The following BMPR1A variants were observed in gnomAD, a reference collection of about 807,000 sequenced individuals.
BMPR1A encodes the protein bone morphogenetic protein receptor type 1A.
In BMPR1A, 7 loss-of-function variants were observed where a neutral mutation model predicts 66.0. That is an observed-to-expected ratio of 0.11 (90% CI 0.06 to 0.20). The LOEUF is 0.20. BMPR1A is among the 10% of genes least tolerant of loss of function. The pLI, the probability that BMPR1A is intolerant of heterozygous loss-of-function variation, is 1.00. For synonymous variants in BMPR1A, 200 were observed against 229.7 expected (o/e 0.87, Z 1.17); for missense variants, 408 against 669.1 (o/e 0.61, Z 4.31).
chr10:86,779,389 T>C (rs1841401489), intron 1 of BMPR1A, among the ~76,000 whole-genome samples: 2 of 152,240 alleles, frequency 1.3e-5, no homozygotes, highest in African/African-American at 2.4e-5. Context: ...CCTGTCCTTG[T>C]CAGCACTTGT....
At chr10:86,881,932 G>A (rs942896888) in intron 3 of BMPR1A, among the ~76,000 whole-genome samples, 7 of 151,960 alleles carry the variant, frequency 4.6e-5, no homozygotes, top group Non-Finnish European at 8.8e-5. Flanking sequence ...ACATTGCCTT[G>A]ATGTTTGATG....
chr10:86,759,079 G>A (rs1840983906), intron 1 of BMPR1A, among the ~76,000 whole-genome samples: 1 of 152,168 alleles, frequency 6.6e-6, no homozygotes, highest in Admixed American at 6.5e-5. Flanking sequence ...TTCAAATGGA[G>A]ACCTGATCTG....
At chr10:86,919,584 AC>A in intron 10 of BMPR1A, 115 bp downstream of exon 10, 1 of 1,372,784 alleles carries the variant, frequency 7.3e-7, no homozygotes, top group Admixed American at 2.0e-5. Flanking sequence ...GTTTTTAGTT[AC>A]ATAAATGTAT....
rs565208018 is a variant in BMPR1A, at chr10:86,786,769, G to A, written c.-268+29850G>A. ...TTATGTTCCACCTGGATGTCTAATA[G>A]GCAAATGAAATGCAGCTTTCTCTAA... On this transcript the variant is annotated intron_variant, in intron 1 of 12. Coordinates refer to ENST00000372037, the MANE Select transcript of BMPR1A (RefSeq NM_004329.3). Among the ~76,000 whole-genome samples the A allele has an allele frequency of 8.5e-5, 13 of 152,302 alleles. No individual in the cohort carries two copies. The South Asian group carries it at 2.7e-3, about 32-fold the overall frequency.
At position 86,756,791 on chromosome 10, in the gene BMPR1A, A is replaced by AG. The variant is rs1847875270; in HGVS notation, c.-392dup. ...CGGCGAAGATCGCACGGCCCGATCGAGGGGCGACCGGGTCGGGGCCGCTGC... is the reference window on the plus strand; with the variant it reads ...CGGCGAAGATCGCACGGCCCGATCGAGGGGGCGACCGGGTCGGGGCCGCTGC... On this transcript the variant is annotated 5_prime_UTR_variant, in exon 1 of 13. Coordinates refer to ENST00000372037, the MANE Select transcript of BMPR1A (RefSeq NM_004329.3). The AG allele has an allele frequency of 6.6e-6, 1 of 150,914 alleles. No individual in the cohort carries two copies. Among genetic ancestry groups the AG allele is most frequent in the African/African-American group, 2.4e-5 (1 of 41,164 alleles). The allele number at this position is 150,914 out of a possible 1,614,324, so 9.3% of individuals were successfully genotyped here. A position where few individuals can be genotyped will look rare whatever the true frequency, so the allele number is the denominator to read the frequency against.
At chr10:86,798,767 T>C (rs765947051) in intron 1 of BMPR1A, among the ~76,000 whole-genome samples, 1 of 152,204 alleles carries the variant, frequency 6.6e-6, no homozygotes, top group Non-Finnish European at 1.5e-5. Flanking sequence ...GCATCCTGTT[T>C]TAAATCTCCT....
chr10:86,915,278 G>A (rs1843549292), intron 8 of BMPR1A, among the ~76,000 whole-genome samples: 1 of 151,762 alleles, frequency 6.6e-6, no homozygotes. Context: ...TGATCCACCC[G>A]CCTCGGCCTC....
intron 2 of BMPR1A, chr10:86,856,154 G>A: frequency 1.9e-6 from 1 of 527,920 alleles, no homozygotes; most frequent in Non-Finnish European, 3.8e-6. Context: ...CCAGCTTCTT[G>A]TGACATAAAG....
chr10:86,853,890 G>A (rs1302819150), intron 2 of BMPR1A, among the ~76,000 whole-genome samples: 1 of 152,164 alleles, frequency 6.6e-6, no homozygotes, highest in African/African-American at 2.4e-5. Context: ...TGAAGTTTCG[G>A]GCACCATTGT....
rs566752864 is a variant in BMPR1A at position 86,823,823 on chromosome 10, A to G, written c.-267-15042A>G. 5.5e-4 allele frequency among the ~76,000 whole-genome samples: 84 copies of G among 152,278 alleles called. 2 individuals carry two copies. Among genetic ancestry groups the G allele is most frequent in the African/African-American group, 1.9e-3 (78 of 41,564 alleles). The stretch of plus-strand genomic sequence containing the variant: ...TGAACTTGCACTACTCCCTCCTTGC[A>G]TAGTATCAAATCCTGCGGATCCTTG... On this transcript the variant is annotated intron_variant, in intron 1 of 12. Coordinates refer to ENST00000372037, the MANE Select transcript of BMPR1A (RefSeq NM_004329.3).
At chr10:86,888,684 G>A (rs949474548) in intron 3 of BMPR1A, among the ~76,000 whole-genome samples, 14 of 151,756 alleles carry the variant, frequency 9.2e-5, no homozygotes, top group South Asian at 2.1e-4. Flanking sequence ...AAAATTAGCC[G>A]GGCATGGTGG....
intron 3 of BMPR1A, among the ~76,000 whole-genome samples, chr10:86,884,318 T>C (rs1445619335): frequency 1.4e-5 from 2 of 147,842 alleles, no homozygotes; most frequent in East Asian, 4.0e-4. Flanking sequence ...ACTCCTGAGC[T>C]CAAGCATCCT....
intron 9 of BMPR1A, 107 bp from the exon 10 acceptor site, chr10:86,919,065 C>G (rs1456291399): frequency 1.7e-5 from 21 of 1,255,354 alleles, no homozygotes; most frequent in East Asian, 2.3e-5. Context: ...TAAAGTTTCA[C>G]TATCTGCACA....
chr10:86,860,412 G>A (rs759463535), intron 2 of BMPR1A, among the ~76,000 whole-genome samples: 1 of 152,094 alleles, frequency 6.6e-6, no homozygotes, highest in Non-Finnish European at 1.5e-5. Flanking sequence ...TAAAAGGCAA[G>A]TTGATGTGTG....
intron 2 of BMPR1A, among the ~76,000 whole-genome samples, chr10:86,839,211 T>G (rs769082577): frequency 1.3e-5 from 2 of 152,198 alleles, no homozygotes; most frequent in Non-Finnish European, 2.9e-5. Context: ...AGGTATTTAT[T>G]TCTTACTAAT....
At chr10:86,859,637 C>T (rs1842687432) in intron 2 of BMPR1A, among the ~76,000 whole-genome samples, 1 of 151,952 alleles carries the variant, frequency 6.6e-6, no homozygotes, top group Non-Finnish European at 1.5e-5. Flanking sequence ...CTGGCCAACG[C>T]CATCTCTACT....
intron 1 of BMPR1A, among the ~76,000 whole-genome samples, chr10:86,791,124 CAG>C (rs1487221251): frequency 7.9e-5 from 12 of 151,998 alleles, no homozygotes; most frequent in Non-Finnish European, 1.5e-4. Context: ...ACAGATAACT[CAG>C]AAGAAATTTT....
chr10:86,828,144 T>C (rs973315901), intron 1 of BMPR1A, among the ~76,000 whole-genome samples: 1 of 152,126 alleles, frequency 6.6e-6, no homozygotes, highest in African/African-American at 2.4e-5. Flanking sequence ...AGAGTGAGAC[T>C]CTGTCTCAAG....
intron 8 of BMPR1A, among the ~76,000 whole-genome samples, chr10:86,913,724 C>T (rs1169042438): frequency 2.0e-5 from 3 of 152,100 alleles, no homozygotes; most frequent in South Asian, 2.1e-4. Context: ...ACAATTTATG[C>T]AAGACCTGCA....
Sources: allele counts gnomAD v4.1 joint callset (sites outside exome capture counted in the v4.1 genomes callset), GRCh38; gene constraint gnomAD v4.1.1; transcripts MANE v1.5; gene names NCBI Gene and HGNC (gene_info 2026-07-23, HGNC 2026-07-21).